ZNHIT3: variants seen among roughly 807,000 people sequenced by gnomAD.
ZNHIT3 encodes the protein zinc finger HIT-type containing 3, also known as zinc finger HIT domain-containing protein 3.
In ZNHIT3, 27 loss-of-function variants were observed where a neutral mutation model predicts 19.9. The ratio of observed to expected loss-of-function variants is 1.36; its 90% CI spans 1.00 to 1.87. The LOEUF (loss-of-function observed/expected upper bound fraction) is 1.87, where lower values mean the gene tolerates loss of function less well. ZNHIT3 is among the 40% of genes most tolerant of loss of function. The pLI, the probability that ZNHIT3 is intolerant of heterozygous loss-of-function variation, is 0.00. For missense variants in ZNHIT3, 215 were observed against 185.6 expected, an observed-to-expected ratio of 1.16 and a Z score of -0.92; for synonymous variants, 81 against 65.7, an observed-to-expected ratio of 1.23 and a Z score of -1.13.
chr17:36,495,819 T>TAA lies in ZNHIT3; in HGVS notation c.*417_*418dup, dbSNP rs1401433508. 2 of 1,242,024 alleles carry TAA rather than the reference T, an allele frequency of 1.6e-6. No homozygotes were observed. The highest frequency in any genetic ancestry group is 3.1e-5 in the East Asian group (1 of 32,404). 76.9% of individuals were successfully genotyped at this position (1,242,024 alleles called of 1,614,324 possible). On this transcript the variant is annotated 3_prime_UTR_variant, in exon 5 of 5. Coordinates refer to ENST00000617429, the MANE Select transcript of ZNHIT3 (RefSeq NM_004773.4). ...TTAAATAAATCAACTAATTAAATAC[T>TAA]AAAGTTTTGTTCCTTTTTAAAGGAA...
downstream of ZNHIT3, chr17:36,498,547 A>G (rs1278528257): frequency 5.6e-6 from 9 of 1,609,858 alleles, no homozygotes; most frequent in Middle Eastern, 3.3e-4. Context: ...GCAGCAAGGC[A>G]GGCCATTCTG....
chr17:36,493,924 A>AGAT lies in ZNHIT3; in HGVS notation c.213_215dup, dbSNP rs758016243. 1 of 1,610,348 alleles carries AGAT rather than the reference A, an allele frequency of 6.2e-7. No individual in the cohort carries two copies. Among genetic ancestry groups the AGAT allele is most frequent in the Admixed American group, 1.7e-5 (1 of 59,922 alleles). On this transcript the variant is annotated splice_acceptor_variant, in intron 3 of 4. Transcript: ENST00000617429. LOFTEE classifies it high-confidence loss of function. ...AGCCATTGACTGTTTTGTATTCCTT[A>AGAT]GATGATGATGACTCTATAGCTGATT...
At position 36,486,750 on chromosome 17, in the gene ZNHIT3, G is replaced by A. The variant is rs774311793; in HGVS notation, c.51G>A (p.Lys17=). Residue 17 remains lysine (K), a synonymous_variant, in exon 1 of 5, where the codon AAG becomes AAA. Transcript: ENST00000617429. The part of the protein sequence containing the change: ...STVVCVICLE[K]PKYRCPACRV... ...TCGTCTGCGTGATCTGCTTGGAGAA[G>A]CCCAAATACCGCTGTCCAGCCTGCC... 1.2e-6 allele frequency: 2 copies of A among 1,613,238 alleles called. No homozygotes were observed. The highest frequency in any genetic ancestry group is 1.7e-6 in the Non-Finnish European group (2 of 1,179,620).
chr17:36,496,159 T>A, downstream of ZNHIT3: 1 of 1,506,564 alleles, frequency 6.6e-7, no homozygotes, highest in Non-Finnish European at 9.1e-7. Context: ...TTTGGAGCAC[T>A]GTGGGAATAG....
intron 4 of ZNHIT3, among the ~76,000 whole-genome samples, chr17:36,494,761 G>T (rs1271442164): frequency 6.6e-6 from 1 of 152,166 alleles, no homozygotes; most frequent in South Asian, 2.1e-4. Flanking sequence ...CAAATGGCAT[G>T]CTTAGACATC....
chr17:36,489,696 T>G (rs569834508), intron 2 of ZNHIT3: 16 of 151,930 alleles, frequency 1.1e-4, no homozygotes, highest in Non-Finnish European at 2.4e-4. Flanking sequence ...TGGCGCAGTC[T>G]CTGCTTACTG....
downstream of ZNHIT3, chr17:36,499,174 C>A: frequency 1.3e-6 from 2 of 1,589,292 alleles, no homozygotes; most frequent in South Asian, 2.3e-5. Context: ...AGAGGTTTGC[C>A]CAGAAACAGG....
In ZNHIT3 at chr17:36,493,921, C is replaced by T. The variant is rs777633039; in HGVS notation, c.206-5C>T. 7 of 1,609,282 alleles carry T rather than the reference C, an allele frequency of 4.3e-6. No homozygotes were observed. The highest frequency in any genetic ancestry group is 6.0e-6 in the Non-Finnish European group (7 of 1,175,984). On this transcript the variant is annotated splice_region_variant and splice_polypyrimidine_tract_variant and intron_variant, in intron 3 of 4. Transcript: ENST00000617429. Reference sequence around the variant, plus strand: ...ATGAGCCATTGACTGTTTTGTATTCCTTAGATGATGATGACTCTATAGCTG... The same window carrying T: ...ATGAGCCATTGACTGTTTTGTATTCTTTAGATGATGATGACTCTATAGCTG...
At chr17:36,498,974 G>A (rs759524752), downstream of ZNHIT3, 52 of 944,328 alleles carry the variant, frequency 5.5e-5, no homozygotes, top group Non-Finnish European at 8.3e-5. Context: ...ACCTGCCCAA[G>A]GCCACCTGCA....
intron 2 of ZNHIT3, chr17:36,489,190 C>G (rs1218596545): frequency 6.6e-6 from 1 of 152,172 alleles, no homozygotes; most frequent in Non-Finnish European, 1.5e-5. Context: ...ATTTCTTTAT[C>G]CATCTGTTGG....
Position 36,486,932 on chromosome 17 carries a change from C to G in ZNHIT3, c.87-3C>G, listed in dbSNP as rs372878191. On this transcript the variant is annotated splice_polypyrimidine_tract_variant and splice_region_variant and intron_variant, in intron 1 of 4. Transcript: ENST00000617429. ...ACGCGGCCTGTGGCCTCTGTTGTTA[C>G]AGCTGCTCGGTAGTCTGCTTCCGGA... 1.6e-5 allele frequency: 25 copies of G among 1,610,888 alleles called. No individual in the cohort carries two copies. In the African/African-American group the frequency reaches 3.1e-4, roughly 20 times the overall value.
downstream of ZNHIT3, chr17:36,498,385 A>C (rs1387421626): frequency 4.3e-6 from 7 of 1,613,994 alleles, no homozygotes; most frequent in Non-Finnish European, 5.9e-6. Context: ...TTCCTCTGAA[A>C]GCTGCCTACA....
downstream of ZNHIT3, among the ~76,000 whole-genome samples, chr17:36,496,614 T>C (rs981984587): frequency 6.6e-6 from 1 of 152,204 alleles, no homozygotes; most frequent in African/African-American, 2.4e-5. Context: ...GAGGAATGTC[T>C]GTCACATTCC....
chr17:36,496,874 C>T (rs2071026243), downstream of ZNHIT3, among the ~76,000 whole-genome samples: 1 of 152,166 alleles, frequency 6.6e-6, no homozygotes, highest in African/African-American at 2.4e-5. Flanking sequence ...GTGAATGGGG[C>T]AGAACCAGGA....
chr17:36,486,759 C>A lies in ZNHIT3; in HGVS notation c.60C>A (p.Tyr20Ter). ...VCVICLEKPKYRCPACRVPYC... is the reference protein window; with the variant it reads ...VCVICLEKPK The stretch of plus-strand genomic sequence containing the variant: ...TGATCTGCTTGGAGAAGCCCAAATA[C>A]CGCTGTCCAGCCTGCCGCGTGCCCT... The change falls in exon 1 of 5, where the codon TAC (tyrosine) becomes TAA (stop). Residue 20 changes from tyrosine to a stop codon, truncating the protein, a stop_gained. Coordinates refer to ENST00000617429, the MANE Select transcript of ZNHIT3 (RefSeq NM_004773.4). LOFTEE classifies it high-confidence loss of function. 2.5e-6 allele frequency: 4 copies of A among 1,613,696 alleles called. No individual in the cohort carries two copies. Among genetic ancestry groups the A allele is most frequent in the Non-Finnish European group, 2.5e-6 (3 of 1,179,826 alleles).
In ZNHIT3 at chr17:36,493,941, T is replaced by G. The variant is rs756908527; in HGVS notation, c.221T>G (p.Ile74Arg). ...PVENKDDDDSIADFLNSDEEE... is the reference protein window; with the variant it reads ...PVENKDDDDSRADFLNSDEEE... ...TATTCCTTAGATGATGATGACTCTA[T>G]AGCTGATTTTCTCAATAGTGATGAG... The change falls in exon 4 of 5, where the codon ATA becomes AGA. Residue 74 changes from isoleucine to arginine, a missense_variant. Ile to Arg is a moderately conservative substitution (Grantham distance 97). Coordinates refer to ENST00000617429, the MANE Select transcript of ZNHIT3 (RefSeq NM_004773.4). 4 of 1,613,512 alleles carry G rather than the reference T, an allele frequency of 2.5e-6. No individual in the cohort carries two copies. In the East Asian group the frequency reaches 8.9e-5, roughly 36 times the overall value.
intron 2 of ZNHIT3, among the ~76,000 whole-genome samples, chr17:36,488,910 C>G (rs2070657354): frequency 6.6e-6 from 1 of 152,194 alleles, no homozygotes; most frequent in African/African-American, 2.4e-5. Context: ...AACACTAGAA[C>G]TTATTCCTCC....
chr17:36,489,169 A>G (rs2070665670), intron 2 of ZNHIT3: 1 of 152,186 alleles, frequency 6.6e-6, no homozygotes, highest in South Asian at 2.1e-4. Context: ...TCCAGTGTAT[A>G]TATGTACCGC....
intron 2 of ZNHIT3, 26 bp from the exon 3 acceptor site, chr17:36,492,787 G>A (rs1266107186): frequency 6.2e-7 from 1 of 1,607,794 alleles, no homozygotes; most frequent in Admixed American, 1.7e-5. Flanking sequence ...GAGGTAATGT[G>A]GGCCTGGGAT....
Sources: gnomAD v4.1 joint callset for allele counts (sites outside exome capture counted in the v4.1 genomes callset) on GRCh38, gnomAD v4.1.1 for gene constraint, MANE v1.5 for transcripts, NCBI Gene and HGNC (gene_info 2026-07-23, HGNC 2026-07-21) for gene names.